The following PAX6 variants were observed in gnomAD, a reference collection of about 807,000 sequenced individuals.
PAX6 encodes paired box 6, also known as paired box protein Pax-6.
In PAX6, 7 loss-of-function variants were observed where a neutral mutation model predicts 60.7. The ratio of observed to expected loss-of-function variants is 0.12; its 90% CI spans 0.07 to 0.22. The LOEUF (loss-of-function observed/expected upper bound fraction) is 0.22. PAX6 is among the 10% of genes least tolerant of loss of function. PAX6 has a pLI of 1.00. For missense variants in PAX6, 355 were observed against 555.2 expected (o/e 0.64, Z 3.62); for synonymous variants, 208 against 201.2 (o/e 1.03, Z -0.29).
rs2239789 is a variant in PAX6 at position 31,794,348 on chromosome 11, T to C, written c.725-234A>G. On this transcript the variant is annotated intron_variant, in intron 9 of 13. Transcript: ENST00000640368. Reference sequence around the variant, plus strand: ...GTGGCCTGAAATAGCCAAATCATCATTTTTCCTTATAAGTCAGACATTTAG... The same window carrying C: ...GTGGCCTGAAATAGCCAAATCATCACTTTTCCTTATAAGTCAGACATTTAG... 43 of 613,154 alleles carry C rather than the reference T, an allele frequency of 7.0e-5. No homozygotes were observed. The East Asian group carries it at 1.2e-3, about 17-fold the overall frequency. The allele number at this position is 613,154 out of a possible 1,614,324, so 38.0% of individuals were successfully genotyped here.
intron 8 of PAX6, among the ~76,000 whole-genome samples, chr11:31,798,989 G>A (rs1434719758): frequency 1.3e-5 from 2 of 152,242 alleles, no homozygotes; most frequent in Non-Finnish European, 2.9e-5. Flanking sequence ...CCCAGGCCTA[G>A]GCCACCGTGC....
chr11:31,796,350 T>G (rs1951506827), intron 8 of PAX6, among the ~76,000 whole-genome samples: 1 of 152,060 alleles, frequency 6.6e-6, no homozygotes, highest in Non-Finnish European at 1.5e-5. Flanking sequence ...CGGGCCACAT[T>G]GTGTTACAAG....
chr11:31,794,734 T>C lies in PAX6; in HGVS notation c.620A>G (p.Asn207Ser). 6.2e-7 allele frequency: 1 copy of C among 1,614,170 alleles called. No homozygotes were observed. Among genetic ancestry groups the C allele is most frequent in the Non-Finnish European group, 8.5e-7 (1 of 1,179,994 alleles). ...GGENTNSISSNGEDSDEAQMR... is the reference protein window; with the variant it reads ...GGENTNSISSSGEDSDEAQMR... ...TTGAGCCTCATCTGAATCTTCTCCG[T>C]TGGAACTGATGGAGTTGGTATTCTC... is the stretch of plus-strand genomic sequence containing the variant. The change falls in exon 9 of 14, where the codon AAC becomes AGC. Residue 207 changes from asparagine (N) to serine (S), a missense_variant. Asn to Ser is a conservative substitution (Grantham distance 46). Coordinates refer to ENST00000640368, the MANE Select transcript of PAX6 (RefSeq NM_001368894.2).
In PAX6 at chr11:31,800,718, T is replaced by C; in HGVS notation, c.538A>G (p.Thr180Ala). The C allele has an allele frequency of 6.2e-7, 1 of 1,614,180 alleles. No homozygotes were observed. Among genetic ancestry groups the C allele is most frequent in the Admixed American group, 1.7e-5 (1 of 60,022 alleles). Reference sequence around the variant, plus strand: ...TGCGTAGGTTGCCCTGGCACCGAAGTCCCCGGATACCAACCAGGGCGGGTG... The same window carrying C: ...TGCGTAGGTTGCCCTGGCACCGAAGCCCCCGGATACCAACCAGGGCGGGTG... ...WGTRPGWYPGTSVPGQPTQDG... is the reference protein window; with the variant it reads ...WGTRPGWYPGASVPGQPTQDG... The change falls in exon 8 of 14, where the codon ACT becomes GCT. Residue 180 changes from threonine (T) to alanine (A), a missense_variant. Around this residue, in one of 5 missense-constraint regions of PAX6, gnomAD observed 143 missense variants for 183.6 expected, o/e 0.78. Coordinates refer to ENST00000640368, the MANE Select transcript of PAX6 (RefSeq NM_001368894.2).
At chr11:31,809,474 G>C (rs1956582994) in intron 2 of PAX6, 1 of 152,186 alleles carries the variant, frequency 6.6e-6, no homozygotes, top group Non-Finnish European at 1.5e-5. Context: ...AAACTTTCTA[G>C]AAATCGCTCA....
intron 2 of PAX6, chr11:31,808,047 A>T (rs1956257592): frequency 6.6e-6 from 1 of 152,208 alleles, no homozygotes; most frequent in South Asian, 2.1e-4. Context: ...GGGGAGCTCA[A>T]TTGGGAAGAG....
chr11:31,798,886 C>T (rs1372346028), intron 8 of PAX6, among the ~76,000 whole-genome samples: 1 of 152,222 alleles, frequency 6.6e-6, no homozygotes, highest in Non-Finnish European at 1.5e-5. Context: ...TGCCCAACTC[C>T]AAGAAGCGGA....
chr11:31,796,130 G>A (rs986216025), intron 8 of PAX6, among the ~76,000 whole-genome samples: 1 of 152,286 alleles, frequency 6.6e-6, no homozygotes, highest in East Asian at 1.9e-4. Context: ...CGGATTCATC[G>A]GCACTGGCCA....
chr11:31,790,818 G>A lies in PAX6; in HGVS notation c.1117C>T (p.Pro373Ser). 6.2e-7 allele frequency: 1 copy of A among 1,614,152 alleles called. No homozygotes were observed. The change falls in exon 13 of 14, where the codon CCC (proline) becomes TCC (serine). Residue 373 changes from proline (P) to serine (S), a missense_variant. By Grantham distance (74) the Pro-to-Ser change is moderately conservative. Transcript: ENST00000640368. The part of the protein sequence containing the change: ...SQTSSYSCML[P>S]TSPSVNGRSY... Reference sequence around the variant, plus strand: ...CGCCCATTCACCGAAGGGCTGGTGGGCAGCATGCAGGAGTATGAGGAGGTC... The same window carrying A: ...CGCCCATTCACCGAAGGGCTGGTGGACAGCATGCAGGAGTATGAGGAGGTC...
In PAX6 at chr11:31,789,646, T is replaced by C; in HGVS notation, c.*288A>G. ...CCATCCAGTCTACATTGTTCTTTTT[T>C]TCATTATAACATACAAATGCCCATT... On this transcript the variant is annotated 3_prime_UTR_variant, in exon 14 of 14. Transcript: ENST00000640368. The C allele has an allele frequency of 1.4e-6, 1 of 698,376 alleles. No individual in the cohort carries two copies. The allele number at this position is 698,376 out of a possible 1,614,324, so 43.3% of individuals were successfully genotyped here.
chr11:31,813,458 C>T (rs1957227331), upstream of PAX6, among the ~76,000 whole-genome samples: 1 of 151,386 alleles, frequency 6.6e-6, no homozygotes, highest in Admixed American at 6.6e-5. Flanking sequence ...CAATTAGCGA[C>T]CGAGTGGATT....
chr11:31,806,187 C>A, intron 4 of PAX6: 1 of 527,630 alleles, frequency 1.9e-6, no homozygotes, highest in South Asian at 2.8e-5. Flanking sequence ...TCTTAAGGGC[C>A]CAGCCCCTGC....
At chr11:31,794,861 T>C (rs1272721455) in intron 8 of PAX6, 73 bp from the exon 9 acceptor site, 12 of 1,393,098 alleles carry the variant, frequency 8.6e-6, no homozygotes. Context: ...CCTGGTGTAG[T>C]CTTAAACTCC....
chr11:31,798,421 C>T (rs1952375745), intron 8 of PAX6, among the ~76,000 whole-genome samples: 1 of 151,762 alleles, frequency 6.6e-6, no homozygotes, highest in Non-Finnish European at 1.5e-5. Flanking sequence ...GGAGTATGGA[C>T]TCTTTAAAAC....
chr11:31,817,376 T>C (rs1015718631), intron 1 of PAX6, among the ~76,000 whole-genome samples: 1 of 152,226 alleles, frequency 6.6e-6, no homozygotes, highest in African/African-American at 2.4e-5. Flanking sequence ...CAGGGTGTCT[T>C]TAAGCGCTCC....
chr11:31,789,485 C>A lies in PAX6; in HGVS notation c.*449G>T. The A allele has an allele frequency of 1.9e-6, 1 of 536,574 alleles. No homozygotes were observed. The highest frequency in any genetic ancestry group is 2.7e-5 in the South Asian group (1 of 36,366). 33.2% of individuals were successfully genotyped at this position (536,574 alleles called of 1,614,324 possible). ...ATGATACAAACTTGGAACATCAGTCCATAAACTATGAACAGATGGGTAGAA... is the reference window on the plus strand; with the variant it reads ...ATGATACAAACTTGGAACATCAGTCAATAAACTATGAACAGATGGGTAGAA... On this transcript the variant is annotated 3_prime_UTR_variant, in exon 14 of 14. Transcript: ENST00000640368.
chr11:31,802,638 T>C, intron 5 of PAX6, 66 bp downstream of exon 5: 1 of 1,549,026 alleles, frequency 6.5e-7, no homozygotes, highest in Non-Finnish European at 8.7e-7. Flanking sequence ...CAGTAAGAAA[T>C]GAAGAGAGGG....
At chr11:31,810,587 G>A (rs990257263) in intron 2 of PAX6, 19 of 321,418 alleles carry the variant, frequency 5.9e-5, no homozygotes, top group Non-Finnish European at 2.3e-5. Context: ...CGCTGGGGCT[G>A]AGCTGGCCGC....
At chr11:31,790,095 T>TAAAAA in intron 13 of PAX6, 76 bp from the exon 14 acceptor site, 14 of 61,186 alleles carry the variant, frequency 2.3e-4, no homozygotes, top group South Asian at 6.5e-4. Flanking sequence ...TTTATAGGTT[T>TAAAAA]ACAAAAAAAA....
Sources: gnomAD v4.1 joint callset for allele counts (sites outside exome capture counted in the v4.1 genomes callset) on GRCh38, gnomAD v4.1.1 for gene constraint, gnomAD v4.1.1 regional missense constraint, MANE v1.5 for transcripts, NCBI Gene and HGNC (gene_info 2026-07-23, HGNC 2026-07-21) for gene names.